GPR158: variants seen among roughly 807,000 people sequenced by gnomAD.
GPR158 encodes metabotropic glycine receptor.
In GPR158, 30 loss-of-function variants were observed where a neutral mutation model predicts 78.2. The observed-to-expected ratio is 0.38, with a 90% CI of 0.29 to 0.52. The LOEUF is 0.52. Among genes scored for constraint, GPR158 ranks in the 20% least tolerant of loss-of-function variants. The probability of loss-of-function intolerance (pLI) is 0.83; values close to 1 mark genes in which losing one functional copy is unlikely to be tolerated. For missense variants in GPR158, 1,463 were observed against 1,523.5 expected (o/e 0.96, Z 0.66); for synonymous variants, 581 against 591.1 (o/e 0.98, Z 0.25).
At chr10:25,482,562 T>G (rs536816131) in intron 5 of GPR158, among the ~76,000 whole-genome samples, 1 of 152,246 alleles carries the variant, frequency 6.6e-6, no homozygotes, top group Admixed American at 6.5e-5. Flanking sequence ...AGTAGGCATG[T>G]AAGAATTCTC....
At position 25,594,379 on chromosome 10, in the gene GPR158, G is replaced by T. The variant is rs761150864; in HGVS notation, c.1980G>T (p.Gly660=). 1.3e-6 allele frequency: 2 copies of T among 1,538,828 alleles called. No individual in the cohort carries two copies. The highest frequency in any genetic ancestry group is 1.8e-6 in the Non-Finnish European group (2 of 1,118,898). ...HTHLTVTVTI[G]LLLIPKFSHS... ...ATTTGACTGTGACAGTCACCATTGGGTTGCTTTTGATTCCAAAGGTATTCT... is the reference window on the plus strand; with the variant it reads ...ATTTGACTGTGACAGTCACCATTGGTTTGCTTTTGATTCCAAAGGTATTCT... Residue 660 remains glycine (G), a synonymous_variant, in exon 9 of 11, where the codon GGG becomes GGT. Transcript: ENST00000376351.
At chr10:25,254,562 A>G (rs542707543) in intron 2 of GPR158, among the ~76,000 whole-genome samples, 2 of 152,320 alleles carry the variant, frequency 1.3e-5, no homozygotes, top group African/African-American at 2.4e-5. Context: ...GGGGATCACT[A>G]AGTTATGAAA....
At chr10:25,436,224 T>G (rs141741525) in intron 4 of GPR158, among the ~76,000 whole-genome samples, 32 of 152,322 alleles carry the variant, frequency 2.1e-4, no homozygotes, top group African/African-American at 7.7e-4. Flanking sequence ...ACTAAAGCAT[T>G]ATTTGTTGTT....
intron 5 of GPR158, among the ~76,000 whole-genome samples, chr10:25,515,839 T>C (rs892735312): frequency 2.7e-5 from 4 of 150,138 alleles, no homozygotes; most frequent in African/African-American, 4.9e-5. Flanking sequence ...TACGTGTGCA[T>C]GTGTCTTTAT....
Position 25,599,440 on chromosome 10 carries a change from A to G in GPR158, c.*166A>G, listed in dbSNP as rs1837462696. The G allele has an allele frequency of 1.7e-6, 1 of 597,510 alleles. No homozygotes were observed. The highest frequency in any genetic ancestry group is 3.0e-5 in the Admixed American group (1 of 32,872). 37.0% of individuals were successfully genotyped at this position (597,510 alleles called of 1,614,324 possible). A position where few individuals can be genotyped will look rare whatever the true frequency, so the allele number is the denominator to read the frequency against. On this transcript the variant is annotated 3_prime_UTR_variant, in exon 11 of 11. Transcript: ENST00000376351. ...GAAGAGGACCAGGGGGGCAAGAGCA[A>G]CAACGTCATAATGGAGAAGTCAGAC...
intron 4 of GPR158, among the ~76,000 whole-genome samples, chr10:25,419,444 G>C (rs1348246498): frequency 6.6e-6 from 1 of 152,110 alleles, no homozygotes; most frequent in African/African-American, 2.4e-5. Flanking sequence ...TGTGAATGAT[G>C]CTGCTGTGAA....
chr10:25,297,162 T>C (rs1479552069), intron 2 of GPR158, among the ~76,000 whole-genome samples: 2 of 152,180 alleles, frequency 1.3e-5, no homozygotes, highest in Non-Finnish European at 2.9e-5. Flanking sequence ...TCAGAAGAAC[T>C]CTTTACCAAG....
chr10:25,454,152 TTATTTCCA>T (rs1226508531), intron 4 of GPR158, among the ~76,000 whole-genome samples: 2 of 152,104 alleles, frequency 1.3e-5, no homozygotes, highest in African/African-American at 4.8e-5. Context: ...TTGGTTAAAT[TTATTTCCA>T]TATTTTCTTT....
At chr10:25,202,073 A>G (rs1852937037) in intron 1 of GPR158, among the ~76,000 whole-genome samples, 1 of 151,972 alleles carries the variant, frequency 6.6e-6, no homozygotes, top group African/African-American at 2.4e-5. Flanking sequence ...CATTTTATAC[A>G]TCTGATAGAA....
In GPR158 at chr10:25,598,024, G is replaced by T; in HGVS notation, c.2398G>T (p.Gly800Trp). 1 of 1,614,078 alleles carries T rather than the reference G, an allele frequency of 6.2e-7. No individual in the cohort carries two copies. The highest frequency in any genetic ancestry group is 8.5e-7 in the Non-Finnish European group (1 of 1,180,018). The change falls in exon 11 of 11, where the codon GGG (glycine) becomes TGG (tryptophan). Residue 800 changes from glycine (G) to tryptophan (W), a missense_variant. Gly to Trp is a radical substitution (Grantham distance 184). Coordinates refer to ENST00000376351, the MANE Select transcript of GPR158 (RefSeq NM_020752.3). ...CCCCCCAGAGTCTTCAGGGAACACA[G>T]GGAAATCCAAGGAGGAGACCCTGAA... ...KNPPESSGNT[G>W]KSKEETLKNR...
intron 3 of GPR158, among the ~76,000 whole-genome samples, chr10:25,409,055 A>G (rs1248409824): frequency 2.0e-5 from 3 of 152,176 alleles, no homozygotes; most frequent in African/African-American, 7.2e-5. Flanking sequence ...ACTCAGATTC[A>G]AGAAGTCCCT....
intron 1 of GPR158, among the ~76,000 whole-genome samples, chr10:25,189,916 C>T (rs1465430783): frequency 7.2e-6 from 1 of 139,626 alleles, no homozygotes; most frequent in Admixed American, 7.3e-5. Flanking sequence ...AAGGGGGGTA[C>T]AGTTTGGTGT....
chr10:25,494,910 G>A (rs1835857390), intron 5 of GPR158, among the ~76,000 whole-genome samples: 2 of 152,040 alleles, frequency 1.3e-5, no homozygotes, highest in Admixed American at 1.3e-4. Context: ...CCTCAAACTG[G>A]AAACAACCCA....
At chr10:25,479,710 C>T (rs936452620) in intron 5 of GPR158, among the ~76,000 whole-genome samples, 6 of 152,016 alleles carry the variant, frequency 3.9e-5, no homozygotes, top group African/African-American at 9.7e-5. Flanking sequence ...CCACCACGCC[C>T]GGCCTGAATT....
chr10:25,469,202 G>A (rs995877941), intron 5 of GPR158, among the ~76,000 whole-genome samples: 11 of 152,180 alleles, frequency 7.2e-5, no homozygotes, highest in Middle Eastern at 6.8e-3. Context: ...ATCTCATCTA[G>A]CCTCAAAGTT....
At chr10:25,364,658 C>G (rs572150344) in intron 2 of GPR158, among the ~76,000 whole-genome samples, 1 of 151,884 alleles carries the variant, frequency 6.6e-6, no homozygotes, top group African/African-American at 2.4e-5. Context: ...CCTTTCCTGT[C>G]TGAATTTTAT....
intron 2 of GPR158, among the ~76,000 whole-genome samples, chr10:25,368,327 ATAT>A (rs1833929738): frequency 6.6e-6 from 1 of 151,894 alleles, no homozygotes; most frequent in South Asian, 2.1e-4. Flanking sequence ...ATGGGAGAAA[ATAT>A]TTGCAAATTA....
intron 2 of GPR158, among the ~76,000 whole-genome samples, chr10:25,368,267 A>G (rs1246531408): frequency 6.6e-6 from 1 of 150,490 alleles, no homozygotes; most frequent in Non-Finnish European, 1.5e-5. Flanking sequence ...CTTCTGATGT[A>G]TCCCCAGTAA....
chr10:25,584,102 T>G (rs1419118158), intron 7 of GPR158, among the ~76,000 whole-genome samples: 1 of 144,126 alleles, frequency 6.9e-6, no homozygotes, highest in Non-Finnish European at 1.5e-5. Context: ...CCATACAGAT[T>G]AAAAAGACTT....
Sources: allele counts gnomAD v4.1 joint callset (sites outside exome capture counted in the v4.1 genomes callset), GRCh38; gene constraint gnomAD v4.1.1; transcripts MANE v1.5; gene names NCBI Gene and HGNC (gene_info 2026-07-23, HGNC 2026-07-21).